The following SLC35F3 variants were observed in gnomAD, a reference collection of about 807,000 sequenced individuals.
SLC35F3 encodes solute carrier family 35 member F3, also known as putative thiamine transporter SLC35F3.
Under a neutral mutation model 49.9 loss-of-function variants are expected in SLC35F3, and 25 were observed. That is an observed-to-expected ratio of 0.50 (90% CI 0.37 to 0.70). The LOEUF (loss-of-function observed/expected upper bound fraction) is 0.70, where lower values mean the gene tolerates loss of function less well. Ranked by LOEUF, SLC35F3 falls within the 30% of genes least tolerant of loss-of-function variation. The pLI, the probability that SLC35F3 is intolerant of heterozygous loss-of-function variation, is 0.00. For missense variants in SLC35F3, 525 were observed against 639.8 expected, an observed-to-expected ratio of 0.82 and a Z score of 1.94; for synonymous variants, 275 against 265.4, an observed-to-expected ratio of 1.04 and a Z score of -0.35.
At chr1:234,102,612 A>C (rs977898026) in intron 2 of SLC35F3, among the ~76,000 whole-genome samples, 3 of 152,200 alleles carry the variant, frequency 2.0e-5, no homozygotes, top group Non-Finnish European at 2.9e-5. Flanking sequence ...GGAGGTGAGA[A>C]TCAAACTGGG....
At chr1:233,968,066 A>G (rs527463665) in intron 2 of SLC35F3, among the ~76,000 whole-genome samples, 2 of 152,302 alleles carry the variant, frequency 1.3e-5, no homozygotes, top group African/African-American at 4.8e-5. Flanking sequence ...GGATCTGCAC[A>G]GTGGGTTCCT....
chr1:234,002,529 G>A (rs907567750), intron 2 of SLC35F3, among the ~76,000 whole-genome samples: 1 of 152,120 alleles, frequency 6.6e-6, no homozygotes, highest in African/African-American at 2.4e-5. Context: ...TAGGGTTAGG[G>A]TTTGGGGAGA....
chr1:234,203,912 G>A (rs554717089), intron 2 of SLC35F3, among the ~76,000 whole-genome samples: 1 of 152,274 alleles, frequency 6.6e-6, no homozygotes, highest in East Asian at 1.9e-4. Flanking sequence ...TAGATAATAT[G>A]TAGCTAACAT....
intron 2 of SLC35F3, among the ~76,000 whole-genome samples, chr1:234,108,218 TA>T (rs1220515395): frequency 1.5e-5 from 2 of 130,628 alleles, no homozygotes; most frequent in Admixed American, 9.0e-5. Context: ...TTTATATATA[TA>T]AAAGATATAT....
At chr1:234,051,062 C>A (rs1664369469) in intron 2 of SLC35F3, among the ~76,000 whole-genome samples, 1 of 152,144 alleles carries the variant, frequency 6.6e-6, no homozygotes, top group Admixed American at 6.5e-5. Context: ...AGTTTGAAGT[C>A]AGGTAGCGTG....
chr1:234,299,434 A>C (rs905008242), intron 3 of SLC35F3, among the ~76,000 whole-genome samples: 1 of 151,288 alleles, frequency 6.6e-6, no homozygotes, highest in Non-Finnish European at 1.5e-5. Context: ...ATGCCAGAAA[A>C]AACTAAATCT....
In SLC35F3 at chr1:234,011,496, G is replaced by C. The variant is rs147706906; in HGVS notation, c.283+105738G>C. 2.0e-3 allele frequency among the ~76,000 whole-genome samples: 299 copies of C among 152,242 alleles called. 1 individual carries two copies. Among genetic ancestry groups the C allele is most frequent in the African/African-American group, 6.9e-3 (288 of 41,536 alleles). ...GGCCAGAGCCTATCCCAGCAGCCCA[G>C]GGCACAAGGTGGGAACCAACTGTGA... On this transcript the variant is annotated intron_variant, in intron 2 of 7. Transcript: ENST00000366618.
At chr1:234,159,506 G>A (rs1666197144) in intron 2 of SLC35F3, among the ~76,000 whole-genome samples, 1 of 149,100 alleles carries the variant, frequency 6.7e-6, no homozygotes. Flanking sequence ...GAACCCGGGA[G>A]GCAGAGGTTG....
intron 2 of SLC35F3, among the ~76,000 whole-genome samples, chr1:234,202,148 G>A (rs551591574): frequency 6.6e-6 from 1 of 152,266 alleles, no homozygotes; most frequent in Non-Finnish European, 1.5e-5. Flanking sequence ...AACTGATGCA[G>A]GAACAGAAAA....
chr1:234,103,418 A>G (rs11584917), intron 2 of SLC35F3, among the ~76,000 whole-genome samples: 21,161 of 152,252 alleles, frequency 0.14, 3,224 homozygotes, highest in East Asian at 0.81. Flanking sequence ...GAGGTGGCCG[A>G]GTCCACAGGC....
chr1:234,249,331 C>G (rs1482672210), intron 3 of SLC35F3, among the ~76,000 whole-genome samples: 1 of 152,218 alleles, frequency 6.6e-6, no homozygotes, highest in South Asian at 2.1e-4. Flanking sequence ...CATACGGAAG[C>G]TTCCATCCTC....
chr1:234,191,888 C>G (rs975831120), intron 2 of SLC35F3, among the ~76,000 whole-genome samples: 3 of 151,870 alleles, frequency 2.0e-5, no homozygotes, highest in African/African-American at 7.3e-5. Context: ...ATATACAACC[C>G]TCCTAGATTA....
intron 2 of SLC35F3, among the ~76,000 whole-genome samples, chr1:233,931,104 A>T (rs547747729): frequency 5.8e-4 from 89 of 152,288 alleles, no homozygotes; most frequent in African/African-American, 2.1e-3. Context: ...CTAAAACTGG[A>T]CCCCTTTCTT....
At chr1:234,018,789 T>C (rs1663846216) in intron 2 of SLC35F3, among the ~76,000 whole-genome samples, 1 of 152,346 alleles carries the variant, frequency 6.6e-6, no homozygotes, top group South Asian at 2.1e-4. Context: ...AGAACCCATC[T>C]TGGCAACATG....
chr1:233,995,654 A>G (rs373783685), intron 2 of SLC35F3, among the ~76,000 whole-genome samples: 4 of 152,308 alleles, frequency 2.6e-5, no homozygotes, highest in South Asian at 4.1e-4. Context: ...TCTCAGTATA[A>G]CAACAGCAGC....
intron 2 of SLC35F3, among the ~76,000 whole-genome samples, chr1:233,917,017 G>A (rs1321767549): frequency 2.0e-5 from 3 of 152,068 alleles, no homozygotes; most frequent in Non-Finnish European, 2.9e-5. Context: ...CTAAAACACG[G>A]CAAATGTATT....
At chr1:234,295,787 A>T (rs1668583841) in intron 3 of SLC35F3, among the ~76,000 whole-genome samples, 1 of 152,212 alleles carries the variant, frequency 6.6e-6, no homozygotes, top group Non-Finnish European at 1.5e-5. Context: ...CAGCCAGCAG[A>T]TGAACACAGA....
chr1:234,321,997 A>G (rs1028708203), intron 7 of SLC35F3, among the ~76,000 whole-genome samples: 8 of 151,934 alleles, frequency 5.3e-5, no homozygotes, highest in African/African-American at 1.9e-4. Context: ...CCTGAGCAAC[A>G]TGACAAAACC....
At chr1:234,261,082 TA>T (rs1452683253) in intron 3 of SLC35F3, among the ~76,000 whole-genome samples, 1 of 152,164 alleles carries the variant, frequency 6.6e-6, no homozygotes, top group African/African-American at 2.4e-5. Flanking sequence ...AACACAATGC[TA>T]AGTGGGGCTT....
Sources: gnomAD v4.1 joint callset for allele counts (sites outside exome capture counted in the v4.1 genomes callset) on GRCh38, gnomAD v4.1.1 for gene constraint, MANE v1.5 for transcripts, NCBI Gene and HGNC (gene_info 2026-07-23, HGNC 2026-07-21) for gene names.